The following SLC35F5 variants were observed in gnomAD, a reference collection of about 807,000 sequenced individuals.
SLC35F5 encodes the protein solute carrier family 35 member F5.
In SLC35F5, 54 loss-of-function variants were observed where a neutral mutation model predicts 68.6. The observed-to-expected ratio is 0.79, with a 90% CI of 0.63 to 0.99. SLC35F5 has a LOEUF of 0.99. SLC35F5 is among the 50% of genes least tolerant of loss of function. SLC35F5 has a pLI of 0.00. For synonymous variants in SLC35F5, 211 were observed against 205.2 expected, an observed-to-expected ratio of 1.03 and a Z score of -0.24; for missense variants, 567 against 626.9, an observed-to-expected ratio of 0.90 and a Z score of 1.02.
At chr2:113,706,355 C>T (rs769921759), downstream of SLC35F5, among the ~76,000 whole-genome samples, 6 of 152,220 alleles carry the variant, frequency 3.9e-5, no homozygotes, top group Non-Finnish European at 5.9e-5. Flanking sequence ...TGCTCTGCTG[C>T]GGGGGTTGTG....
rs1677007899 is a variant in SLC35F5, at chr2:113,756,633, C to T, written c.-224G>A. On this transcript the variant is annotated 5_prime_UTR_variant, in exon 1 of 16. Coordinates refer to ENST00000245680, the MANE Select transcript of SLC35F5 (RefSeq NM_025181.5). ...CACAGTCAGCTATGGCCGCGGAGGCCCGGAGATCTGCTCTGGCCCCGGCCC... is the reference window on the plus strand; with the variant it reads ...CACAGTCAGCTATGGCCGCGGAGGCTCGGAGATCTGCTCTGGCCCCGGCCC... 1 of 1,249,122 alleles carries T rather than the reference C, an allele frequency of 8.0e-7. No homozygotes were observed. Among genetic ancestry groups the T allele is most frequent in the East Asian group, 2.9e-5 (1 of 34,460 alleles). The allele number at this position is 1,249,122 out of a possible 1,614,324, so 77.4% of individuals were successfully genotyped here.
In SLC35F5 at chr2:113,755,697, T is replaced by G. The variant is rs541977249; in HGVS notation, c.41-153A>C. The stretch of plus-strand genomic sequence containing the variant: ...ATACTTGCCACCTTTCTCAGTACTT[T>G]CATGGTATCCACTGCACGCTTCAGA... On this transcript the variant is annotated intron_variant, in intron 1 of 15. Coordinates refer to ENST00000245680, the MANE Select transcript of SLC35F5 (RefSeq NM_025181.5). Among the ~76,000 whole-genome samples, 7 of 152,250 alleles carry G rather than the reference T, an allele frequency of 4.6e-5. No individual in the cohort carries two copies. In the East Asian group the frequency reaches 1.3e-3, roughly 29 times the overall value.
Position 113,710,293 on chromosome 2 carries a change from A to T in SLC35F5, c.*4925T>A, listed in dbSNP as rs1373255395. Among the ~76,000 whole-genome samples the T allele has an allele frequency of 6.6e-6, 1 of 152,226 alleles. No individual in the cohort carries two copies. The highest frequency in any genetic ancestry group is 2.4e-5 in the African/African-American group (1 of 41,464). On this transcript the variant is annotated 3_prime_UTR_variant, in exon 16 of 16. Transcript: ENST00000245680. ...AAAATAATTCACTTTATTGTACTTT[A>T]TTTTAGAATAATTAAGACAAGGATA...
At chr2:113,715,557 C>T (rs973374383) in intron 15 of SLC35F5, among the ~76,000 whole-genome samples, 1 of 152,160 alleles carries the variant, frequency 6.6e-6, no homozygotes, top group African/African-American at 2.4e-5. Flanking sequence ...TCTAAAAATA[C>T]TGAAACCTTG....
chr2:113,732,214 T>C (rs1237499066), intron 9 of SLC35F5, among the ~76,000 whole-genome samples: 1 of 152,142 alleles, frequency 6.6e-6, no homozygotes, highest in Admixed American at 6.6e-5. Context: ...TTTTAGTGGA[T>C]AAAAATAAGA....
At chr2:113,743,571 T>C in intron 6 of SLC35F5, 142 bp downstream of exon 6, 1 of 563,866 alleles carries the variant, frequency 1.8e-6, no homozygotes. Context: ...CACAATCCAG[T>C]CAAACTTCTA....
Position 113,750,585 on chromosome 2 carries a change from TAC to T in SLC35F5, c.274-19_274-18del, listed in dbSNP as rs1676694715. ...AAAAACATACTGTAGAGGAAAAAGT[TAC>T]ACAGACAACTCTGAGATGACCTTAA... On this transcript the variant is annotated intron_variant, in intron 3 of 15. Coordinates refer to ENST00000245680, the MANE Select transcript of SLC35F5 (RefSeq NM_025181.5). 6.3e-7 allele frequency: 1 copy of T among 1,591,308 alleles called. No individual in the cohort carries two copies. The highest frequency in any genetic ancestry group is 8.5e-7 in the Non-Finnish European group (1 of 1,169,962).
rs1687102297 is a variant in SLC35F5 at position 113,714,406 on chromosome 2, C to T, written c.*812G>A. On this transcript the variant is annotated 3_prime_UTR_variant, in exon 16 of 16. Transcript: ENST00000245680. ...TACTCTTTGTCACTTCAATTTAAAT[C>T]ATTCCATTATGAAAATTTCTTAATT... 1 of 152,116 alleles carries T rather than the reference C, an allele frequency of 6.6e-6. No individual in the cohort carries two copies. The highest frequency in any genetic ancestry group is 1.5e-5 in the Non-Finnish European group (1 of 67,948). The allele number at this position is 152,116 out of a possible 1,614,324, so 9.4% of individuals were successfully genotyped here.
intron 9 of SLC35F5, among the ~76,000 whole-genome samples, chr2:113,733,862 A>G (rs200268989): frequency 6.6e-6 from 1 of 152,236 alleles, no homozygotes; most frequent in East Asian, 1.9e-4. Context: ...TAACCAAGAA[A>G]CACTACTCTC....
chr2:113,742,989 C>CT lies in SLC35F5; in HGVS notation c.563-111_563-110insA, dbSNP rs1165841455. The CT allele has an allele frequency of 5.6e-6, 6 of 1,066,894 alleles. No homozygotes were observed. The East Asian group carries it at 1.5e-4, about 27-fold the overall frequency. The allele number at this position is 1,066,894 out of a possible 1,614,324, so 66.1% of individuals were successfully genotyped here. A position where few individuals can be genotyped will look rare whatever the true frequency, so the allele number is the denominator to read the frequency against. On this transcript the variant is annotated intron_variant, in intron 6 of 15. Transcript: ENST00000245680. ...AAGTTCATCTATGATCAGAGTAAGA[C>CT]AGTCAAAGTAAACCAAAAAGAGGTA...
Position 113,746,385 on chromosome 2 carries a change from T to C in SLC35F5, c.418-46A>G, listed in dbSNP as rs1676484894. Reference sequence around the variant, plus strand: ...ACAAAATTCAATGAAACTTACATTATACTGTAGGACTAGTCAGACGTAACT... The same window carrying C: ...ACAAAATTCAATGAAACTTACATTACACTGTAGGACTAGTCAGACGTAACT... On this transcript the variant is annotated intron_variant, in intron 4 of 15. Transcript: ENST00000245680. The C allele has an allele frequency of 3.4e-6, 5 of 1,483,840 alleles. No individual in the cohort carries two copies. The African/African-American group carries it at 4.1e-5, about 12-fold the overall frequency. 91.9% of individuals were successfully genotyped at this position (1,483,840 alleles called of 1,614,324 possible).
At chr2:113,706,123 T>A (rs1234309808), downstream of SLC35F5, among the ~76,000 whole-genome samples, 1 of 152,156 alleles carries the variant, frequency 6.6e-6, no homozygotes, top group Non-Finnish European at 1.5e-5. Flanking sequence ...TGGTCCCCAG[T>A]GCAAATGTGC....
chr2:113,728,147 A>ATTT (rs1559332489), intron 11 of SLC35F5, among the ~76,000 whole-genome samples: 1 of 152,170 alleles, frequency 6.6e-6, no homozygotes, highest in Non-Finnish European at 1.5e-5. Context: ...ACATGTAACC[A>ATTT]AACCTGGCTA....
Position 113,719,209 on chromosome 2 carries a change from T to C in SLC35F5, c.1441A>G (p.Met481Val). ...GCAAATATTCTTCTGATTCCCACCATCACAGGATCCCAATTATTATAATGG... is the reference window on the plus strand; with the variant it reads ...GCAAATATTCTTCTGATTCCCACCACCACAGGATCCCAATTATTATAATGG... ...LCHYNNWDPV[M>V]VGIRRIFAFI... Residue 481 changes from methionine (M) to valine (V), a missense_variant, in exon 14 of 16, where the codon ATG becomes GTG. Coordinates refer to ENST00000245680, the MANE Select transcript of SLC35F5 (RefSeq NM_025181.5). The C allele has an allele frequency of 6.2e-7, 1 of 1,609,286 alleles. No homozygotes were observed. Among genetic ancestry groups the C allele is most frequent in the Non-Finnish European group, 8.5e-7 (1 of 1,179,178 alleles).
At position 113,711,796 on chromosome 2, in the gene SLC35F5, C is replaced by T. The variant is rs376490024; in HGVS notation, c.*3422G>A. Among the ~76,000 whole-genome samples, 2 of 110,612 alleles carry T rather than the reference C, an allele frequency of 1.8e-5. No homozygotes were observed. Among genetic ancestry groups the T allele is most frequent in the Non-Finnish European group, 4.4e-5 (2 of 45,464 alleles). The allele number at this position is 110,612 out of a possible 152,430, so 72.6% of individuals were successfully genotyped here. On this transcript the variant is annotated 3_prime_UTR_variant, in exon 16 of 16. Coordinates refer to ENST00000245680, the MANE Select transcript of SLC35F5 (RefSeq NM_025181.5). ...ATTTCAAAAGGAGAGTAGGTAGAAA[C>T]GAAGATCATAACTATACTTACTTAA... is the stretch of plus-strand genomic sequence containing the variant.
downstream of SLC35F5, chr2:113,704,131 A>C (rs1686749438): frequency 6.6e-6 from 1 of 152,404 alleles, no homozygotes; most frequent in Non-Finnish European, 1.5e-5. Context: ...AAAGCGAAAG[A>C]ACAAAGCTCC....
At chr2:113,719,475 C>T (rs542278348) in intron 13 of SLC35F5, 167 bp from the exon 14 acceptor site, 2 of 534,212 alleles carry the variant, frequency 3.7e-6, no homozygotes, top group Admixed American at 8.1e-5. Flanking sequence ...AATAAGAATT[C>T]AAGACTTCAA....
At chr2:113,729,595 G>A in intron 10 of SLC35F5, 90 bp from the exon 11 acceptor site, 1 of 701,160 alleles carries the variant, frequency 1.4e-6, no homozygotes. Flanking sequence ...AATATTGCAA[G>A]AATATACAAA....
chr2:113,731,179 A>C lies in SLC35F5; in HGVS notation c.985+405T>G, dbSNP rs561038109. Among the ~76,000 whole-genome samples the C allele has an allele frequency of 3.9e-5, 6 of 152,334 alleles. 1 individual carries two copies. The highest frequency in any genetic ancestry group is 1.4e-4 in the African/African-American group (6 of 41,592). On this transcript the variant is annotated intron_variant, in intron 10 of 15. Coordinates refer to ENST00000245680, the MANE Select transcript of SLC35F5 (RefSeq NM_025181.5). Reference sequence around the variant, plus strand: ...GGTACCCTACAAAAGTGTCAAGGTCATAAAAGACAAGAAGACTGAGGAACA... The same window carrying C: ...GGTACCCTACAAAAGTGTCAAGGTCCTAAAAGACAAGAAGACTGAGGAACA...
Sources: allele counts gnomAD v4.1 joint callset (sites outside exome capture counted in the v4.1 genomes callset), GRCh38; gene constraint gnomAD v4.1.1; transcripts MANE v1.5; gene names NCBI Gene and HGNC (gene_info 2026-07-23, HGNC 2026-07-21).